Variants in TSPAN14 observed in about 807,000 individuals in gnomAD.
The protein encoded by TSPAN14 is tetraspanin 14.
In TSPAN14, 16 loss-of-function variants were observed where a neutral mutation model predicts 36.6. The ratio of observed to expected loss-of-function variants is 0.44; its 90% CI spans 0.30 to 0.66. The LOEUF is 0.66. TSPAN14 is among the 30% of genes least tolerant of loss of function. The pLI, the probability that TSPAN14 is intolerant of heterozygous loss-of-function variation, is 0.12. For missense variants in TSPAN14, 231 were observed against 355.1 expected, an observed-to-expected ratio of 0.65 and a Z score of 2.81; for synonymous variants, 139 against 143.8, an observed-to-expected ratio of 0.97 and a Z score of 0.24.
At chr10:80,520,898 C>T (rs1424613526) in exon 9 of TSPAN14, 1 of 505,588 alleles carries the variant, frequency 2.0e-6, no homozygotes. Flanking sequence ...AGTTCTCTGA[C>T]CTCTCCCATA....
exon 9 of TSPAN14, chr10:80,517,912 G>C: frequency 6.4e-7 from 1 of 1,564,374 alleles, no homozygotes; most frequent in Non-Finnish European, 8.7e-7. Context: ...CAGATATTTG[G>C]CATCTTCCTG....
At chr10:80,494,375 A>G (rs1848078425) in intron 2 of TSPAN14, among the ~76,000 whole-genome samples, 1 of 152,194 alleles carries the variant, frequency 6.6e-6, no homozygotes, top group African/African-American at 2.4e-5. Flanking sequence ...CAGTAAGAGA[A>G]TTTTGAGAGA....
chr10:80,506,707 C>T (rs191255524), intron 3 of TSPAN14, among the ~76,000 whole-genome samples: 86 of 152,394 alleles, frequency 5.6e-4, no homozygotes, highest in Non-Finnish European at 8.4e-4. Context: ...TGTGGCCAGA[C>T]AGTGGGGGTA....
chr10:80,494,428 C>T (rs142237235), intron 2 of TSPAN14, among the ~76,000 whole-genome samples: 50 of 152,324 alleles, frequency 3.3e-4, no homozygotes, highest in African/African-American at 1.2e-3. Context: ...CCCCAGGCCT[C>T]TCCTGTGCAA....
chr10:80,464,143 A>C (rs1184313880), intron 1 of TSPAN14, among the ~76,000 whole-genome samples: 3 of 152,104 alleles, frequency 2.0e-5, no homozygotes, highest in Non-Finnish European at 2.9e-5. Flanking sequence ...TGGTTGCAGC[A>C]AGCTGGAGCT....
intron 3 of TSPAN14, among the ~76,000 whole-genome samples, chr10:80,505,220 G>A (rs995863229): frequency 6.6e-6 from 1 of 152,210 alleles, no homozygotes; most frequent in Non-Finnish European, 1.5e-5. Flanking sequence ...GGGCAGGGGT[G>A]GGCCTTTAAG....
At chr10:80,507,157 G>C (rs748943982) in intron 3 of TSPAN14, 71 bp from the exon 4 acceptor site, 1 of 1,582,184 alleles carries the variant, frequency 6.3e-7, no homozygotes, top group Middle Eastern at 1.7e-4. Flanking sequence ...AGTACCACCT[G>C]CATCCCCCAG....
At chr10:80,486,252 C>T (rs936944422) in intron 1 of TSPAN14, among the ~76,000 whole-genome samples, 9 of 152,250 alleles carry the variant, frequency 5.9e-5, no homozygotes, top group African/African-American at 1.7e-4. Context: ...TGCTCCAGAG[C>T]GCTGGCCTTC....
intron 2 of TSPAN14, among the ~76,000 whole-genome samples, chr10:80,494,935 G>A (rs1009459845): frequency 1.3e-5 from 2 of 152,152 alleles, no homozygotes; most frequent in Non-Finnish European, 1.5e-5. Flanking sequence ...CCAGCGTCCT[G>A]TCTGCAGGCA....
chr10:80,478,555 A>G (rs986049466), intron 1 of TSPAN14, among the ~76,000 whole-genome samples: 2 of 152,220 alleles, frequency 1.3e-5, no homozygotes, highest in African/African-American at 2.4e-5. Flanking sequence ...TCAGATGTCA[A>G]TATGCTTGGA....
intron 1 of TSPAN14, among the ~76,000 whole-genome samples, chr10:80,488,803 C>G (rs570081548): frequency 6.6e-6 from 1 of 152,128 alleles, no homozygotes; most frequent in African/African-American, 2.4e-5. Context: ...AGTCCCCTGT[C>G]CTTGGTTCCA....
chr10:80,516,427 AGCTT>A lies in TSPAN14; in HGVS notation c.741+107_741+110del. 5 of 1,518,708 alleles carry A rather than the reference AGCTT, an allele frequency of 3.3e-6. No individual in the cohort carries two copies. The Admixed American group carries it at 5.7e-5, about 17-fold the overall frequency. The allele number at this position is 1,518,708 out of a possible 1,614,324, so 94.1% of individuals were successfully genotyped here. A position where few individuals can be genotyped will look rare whatever the true frequency, so the allele number is the denominator to read the frequency against. On this transcript the variant is annotated intron_variant, in intron 8 of 8. Transcript: ENST00000429989. ...TCCAGTTTGGGTATGGTATTAAGGA[AGCTT>A]GCAGAAGAAAAAAAGGGATTCAACT...
chr10:80,494,783 A>G (rs1848104121), intron 2 of TSPAN14, among the ~76,000 whole-genome samples: 1 of 152,172 alleles, frequency 6.6e-6, no homozygotes, highest in Non-Finnish European at 1.5e-5. Context: ...TTAATAATGT[A>G]TATAGTGTAT....
In TSPAN14 at chr10:80,509,725, C is replaced by A; in HGVS notation, c.450+254C>A. 2 of 485,674 alleles carry A rather than the reference C, an allele frequency of 4.1e-6. No individual in the cohort carries two copies. Among genetic ancestry groups the A allele is most frequent in the Non-Finnish European group, 7.4e-6 (2 of 269,836 alleles). The allele number at this position is 485,674 out of a possible 1,614,324, so 30.1% of individuals were successfully genotyped here. A position where few individuals can be genotyped will look rare whatever the true frequency, so the allele number is the denominator to read the frequency against. ...AGCTGTACCCGAGGCCACCCACCCCCCACGTGCCCGGCCCTCCTCTTTCGG... is the reference window on the plus strand; with the variant it reads ...AGCTGTACCCGAGGCCACCCACCCCACACGTGCCCGGCCCTCCTCTTTCGG... On this transcript the variant is annotated intron_variant, in intron 5 of 8. Transcript: ENST00000429989. This position sits in a 1 kb window ranked among gnomAD's most constrained non-coding sequence, Gnocchi z 4.7.
intron 1 of TSPAN14, among the ~76,000 whole-genome samples, chr10:80,474,308 A>C (rs1301993009): frequency 6.6e-6 from 1 of 151,564 alleles, no homozygotes; most frequent in Non-Finnish European, 1.5e-5. Context: ...GTAGCTCAGG[A>C]TATGGGTGGT....
At chr10:80,494,332 G>C (rs1338550248) in intron 2 of TSPAN14, among the ~76,000 whole-genome samples, 2 of 152,184 alleles carry the variant, frequency 1.3e-5, no homozygotes, top group East Asian at 3.9e-4. Flanking sequence ...CCTGTGAGTA[G>C]GGCGAACATG....
At chr10:80,474,274 A>C (rs1192945083) in intron 1 of TSPAN14, among the ~76,000 whole-genome samples, 1 of 151,678 alleles carries the variant, frequency 6.6e-6, no homozygotes, top group Non-Finnish European at 1.5e-5. Context: ...GATAGTAAGG[A>C]TAATTTGGGG....
intron 1 of TSPAN14, among the ~76,000 whole-genome samples, chr10:80,470,750 A>G (rs1366670314): frequency 6.6e-6 from 1 of 152,188 alleles, no homozygotes; most frequent in Admixed American, 6.5e-5. Flanking sequence ...CACTTGGAAC[A>G]TCTATGGTGT....
At chr10:80,487,674 T>G (rs1847687454) in intron 1 of TSPAN14, among the ~76,000 whole-genome samples, 2 of 149,030 alleles carry the variant, frequency 1.3e-5, no homozygotes, top group Non-Finnish European at 3.0e-5. Flanking sequence ...GGGCAACAGG[T>G]GGTTGTGTTC....
Sources: allele counts gnomAD v4.1 joint callset (sites outside exome capture counted in the v4.1 genomes callset), GRCh38; gene constraint gnomAD v4.1.1; non-coding constraint Gnocchi (gnomAD v3.1); transcripts MANE v1.5; gene names NCBI Gene and HGNC (gene_info 2026-07-23, HGNC 2026-07-21).